HORMAD1: variants seen among roughly 807,000 people sequenced by gnomAD.
The protein encoded by HORMAD1 is HORMA domain-containing protein 1.
A neutral mutation model predicts 58.2 loss-of-function variants in HORMAD1; 33 were observed. The ratio of observed to expected loss-of-function variants is 0.57; its 90% CI spans 0.43 to 0.76. HORMAD1 has a LOEUF of 0.76. HORMAD1 is among the 30% of genes least tolerant of loss of function. The probability of loss-of-function intolerance (pLI) is 0.00; values close to 1 mark genes in which losing one functional copy is unlikely to be tolerated. For missense variants in HORMAD1, 363 were observed against 462.0 expected (o/e 0.79, Z 1.96); for synonymous variants, 137 against 144.6 (o/e 0.95, Z 0.38).
chr1:150,716,691 C>G (rs1195541427), intron 3 of HORMAD1, among the ~76,000 whole-genome samples: 1 of 150,784 alleles, frequency 6.6e-6, no homozygotes, highest in Non-Finnish European at 1.5e-5. Flanking sequence ...GGGCCGGGCG[C>G]GGTGGCTCAC....
intron 2 of HORMAD1, among the ~76,000 whole-genome samples, chr1:150,718,498 A>G (rs1652157015): frequency 6.6e-6 from 1 of 152,122 alleles, no homozygotes; most frequent in Non-Finnish European, 1.5e-5. Flanking sequence ...CTGTCTGTAA[A>G]TGCATAACAC....
chr1:150,714,884 C>T (rs1227773464), intron 3 of HORMAD1, among the ~76,000 whole-genome samples: 2 of 152,048 alleles, frequency 1.3e-5, no homozygotes, highest in South Asian at 2.1e-4. Context: ...CTTCCGAGTT[C>T]AAGCCATTCT....
At chr1:150,703,620 TCAC>T (rs1265433546) in intron 12 of HORMAD1, among the ~76,000 whole-genome samples, 1 of 152,180 alleles carries the variant, frequency 6.6e-6, no homozygotes, top group East Asian at 1.9e-4. Context: ...TACCAAATGA[TCAC>T]CAGGCACCAC....
At chr1:150,700,797 A>AT (rs1036460244) in intron 13 of HORMAD1, among the ~76,000 whole-genome samples, 1 of 151,874 alleles carries the variant, frequency 6.6e-6, no homozygotes, top group South Asian at 2.1e-4. Flanking sequence ...TTGGCACTTC[A>AT]TTTTTTTTAT....
At chr1:150,705,544 T>G (rs1291198018) in intron 10 of HORMAD1, among the ~76,000 whole-genome samples, 1 of 150,644 alleles carries the variant, frequency 6.6e-6, no homozygotes, top group Non-Finnish European at 1.5e-5. Context: ...AAAAAAGTAA[T>G]AAACAAAAAC....
At chr1:150,711,931 GTCCTATTTCAACATGTAT>G in intron 5 of HORMAD1, 78 bp from the exon 6 acceptor site, 4 of 993,002 alleles carry the variant, frequency 4.0e-6, no homozygotes, top group Non-Finnish European at 4.6e-6. Flanking sequence ...AGAATTCTTT[GTCCTATTTCAACATGTAT>G]TCCTAATAAC....
At chr1:150,712,939 G>A (rs1380106024) in intron 5 of HORMAD1, among the ~76,000 whole-genome samples, 2 of 152,172 alleles carry the variant, frequency 1.3e-5, no homozygotes, top group Non-Finnish European at 2.9e-5. Flanking sequence ...GCCACTGAGT[G>A]CTCTGGCCCT....
intron 3 of HORMAD1, among the ~76,000 whole-genome samples, chr1:150,715,401 G>A (rs74127009): frequency 0.032 from 4,815 of 152,166 alleles, 248 homozygotes; most frequent in African/African-American, 0.11. Context: ...AAGACTGAGA[G>A]TCTCTCATAT....
At chr1:150,713,077 G>C (rs2101877860) in intron 5 of HORMAD1, among the ~76,000 whole-genome samples, 1 of 152,104 alleles carries the variant, frequency 6.6e-6, no homozygotes, top group Middle Eastern at 3.4e-3. Flanking sequence ...GCTCTGCCAG[G>C]AGTATTCTCT....
At chr1:150,710,765 G>A (rs1229158524) in intron 7 of HORMAD1, among the ~76,000 whole-genome samples, 1 of 152,166 alleles carries the variant, frequency 6.6e-6, no homozygotes, top group African/African-American at 2.4e-5. Flanking sequence ...ACATAGTGAT[G>A]TTTTTAAACG....
Position 150,714,101 on chromosome 1 carries a change from G to T in HORMAD1, c.263C>A (p.Ala88Asp). The change falls in exon 5 of 15, where the codon GCT becomes GAT. Residue 88 changes from alanine to aspartate, a missense_variant. Around this residue, in one of 3 missense-constraint regions of HORMAD1, gnomAD observed 128 missense variants for 171.8 expected, o/e 0.74. Transcript: ENST00000361824. ...LVKWMLGCYD[A>D]LQKKYLRMVV... ...AAGACTTACATATTTTTTCTGTAAA[G>T]CATCATAACATCCTAGCATCCTAAA... is the stretch of plus-strand genomic sequence containing the variant. 1 of 1,532,376 alleles carries T rather than the reference G, an allele frequency of 6.5e-7. No individual in the cohort carries two copies. The highest frequency in any genetic ancestry group is 8.9e-7 in the Non-Finnish European group (1 of 1,117,612). 94.9% of individuals were successfully genotyped at this position (1,532,376 alleles called of 1,614,324 possible).
chr1:150,718,331 C>T (rs1652150440), intron 2 of HORMAD1, among the ~76,000 whole-genome samples: 2 of 149,768 alleles, frequency 1.3e-5, no homozygotes, highest in Admixed American at 1.4e-4. Context: ...CGTTGCACCA[C>T]CATGCCTGGC....
chr1:150,699,509 T>C (rs587766287), intron 14 of HORMAD1, among the ~76,000 whole-genome samples: 32 of 151,974 alleles, frequency 2.1e-4, no homozygotes, highest in Non-Finnish European at 4.4e-4. Context: ...TATATTCTCT[T>C]ATATTTTTCC....
chr1:150,710,363 A>C (rs1651836912), intron 7 of HORMAD1, among the ~76,000 whole-genome samples: 2 of 152,224 alleles, frequency 1.3e-5, no homozygotes, highest in African/African-American at 4.8e-5. Flanking sequence ...TAGTTTCCCC[A>C]GCTAAAAAAG....
chr1:150,709,418 C>A (rs1232323248), intron 7 of HORMAD1, among the ~76,000 whole-genome samples: 1 of 152,146 alleles, frequency 6.6e-6, no homozygotes, highest in South Asian at 2.1e-4. Context: ...CTGTGCAGGA[C>A]GTGCCTTGTT....
chr1:150,709,675 C>A (rs202187844), intron 7 of HORMAD1, among the ~76,000 whole-genome samples: 2 of 151,944 alleles, frequency 1.3e-5, no homozygotes, highest in Non-Finnish European at 2.9e-5. Context: ...AAGAGGAAAG[C>A]CTCTTGCAGT....
Position 150,717,273 on chromosome 1 carries a change from C to T in HORMAD1, c.43G>A (p.Val15Ile). Reference protein sequence around the residue: ...QLQRTPMSALVFPNKISTEHQ... With the variant: ...QLQRTPMSALIFPNKISTEHQ... Reference sequence around the variant, plus strand: ...TCAGTTGATATCTTATTGGGAAATACCAGTGCACTCTAAAATTCAAGGGAA... The same window carrying T: ...TCAGTTGATATCTTATTGGGAAATATCAGTGCACTCTAAAATTCAAGGGAA... The change falls in exon 3 of 15, where the codon GTA (valine) becomes ATA (isoleucine). Residue 15 changes from valine (V) to isoleucine (I), a missense_variant. Around this residue, in one of 3 missense-constraint regions of HORMAD1, gnomAD observed 128 missense variants for 171.8 expected, o/e 0.74. Transcript: ENST00000361824. 1.3e-6 allele frequency: 2 copies of T among 1,542,482 alleles called. No homozygotes were observed. Among genetic ancestry groups the T allele is most frequent in the Non-Finnish European group, 1.7e-6 (2 of 1,145,984 alleles).
chr1:150,710,580 CAATT>C (rs952785180), intron 7 of HORMAD1, among the ~76,000 whole-genome samples: 4 of 152,086 alleles, frequency 2.6e-5, no homozygotes, highest in Non-Finnish European at 4.4e-5. Context: ...TCTGAACAAT[CAATT>C]AGTTTTCTGA....
intron 5 of HORMAD1, 76 bp downstream of exon 5, chr1:150,714,009 A>G (rs1303133557): frequency 1.3e-5 from 12 of 919,054 alleles, no homozygotes; most frequent in Non-Finnish European, 2.1e-5. Flanking sequence ...TGAATGTTTT[A>G]CTACATCATA....
Sources: gnomAD v4.1 joint callset for allele counts (sites outside exome capture counted in the v4.1 genomes callset) on GRCh38, gnomAD v4.1.1 for gene constraint, gnomAD v4.1.1 regional missense constraint, MANE v1.5 for transcripts, NCBI Gene and HGNC (gene_info 2026-07-23, HGNC 2026-07-21) for gene names.